The following MCF2L variants were observed in gnomAD, a reference collection of about 807,000 sequenced individuals.
MCF2L encodes guanine nucleotide exchange factor DBS.
MCF2L carries 97 observed loss-of-function variants against 153.4 expected under a neutral mutation model. The observed-to-expected ratio is 0.63, with a 90% CI of 0.54 to 0.75. The LOEUF (loss-of-function observed/expected upper bound fraction) is 0.75, where lower values mean the gene tolerates loss of function less well. Ranked by LOEUF, MCF2L falls within the 30% of genes least tolerant of loss-of-function variation. The pLI is 0.00. For missense variants in MCF2L, 1,347 were observed against 1,495.2 expected, an observed-to-expected ratio of 0.90 and a Z score of 1.64; for synonymous variants, 659 against 632.2, an observed-to-expected ratio of 1.04 and a Z score of -0.64.
intron 4 of MCF2L, among the ~76,000 whole-genome samples, chr13:113,051,254 G>A (rs2087297890): frequency 6.6e-6 from 1 of 152,176 alleles, no homozygotes; most frequent in South Asian, 2.1e-4. Context: ...TCGGGGCGAC[G>A]AGGGAAGCTG....
chr13:112,979,911 A>AT (rs1236894402), intron 1 of MCF2L, among the ~76,000 whole-genome samples: 1 of 152,134 alleles, frequency 6.6e-6, no homozygotes, highest in African/African-American at 2.4e-5. Context: ...AAAGGTAGAG[A>AT]TAACTGCTGA....
At chr13:112,948,707 A>G (rs1194372145) in intron 2 of MCF2L, among the ~76,000 whole-genome samples, 1 of 152,244 alleles carries the variant, frequency 6.6e-6, no homozygotes, top group Non-Finnish European at 1.5e-5. Flanking sequence ...TCTCTAGAAA[A>G]TGAAGAGCAA....
intron 2 of MCF2L, among the ~76,000 whole-genome samples, chr13:112,935,973 G>A (rs574130094): frequency 2.0e-5 from 3 of 152,220 alleles, no homozygotes; most frequent in East Asian, 1.9e-4. Flanking sequence ...TCCTTCCCTC[G>A]CAGCCTCAGA....
intron 1 of MCF2L, among the ~76,000 whole-genome samples, chr13:112,977,004 G>A (rs1222462060): frequency 6.6e-6 from 1 of 152,136 alleles, no homozygotes. Context: ...ACTGAGAGAG[G>A]AAACGAGACA....
intron 3 of MCF2L, among the ~76,000 whole-genome samples, chr13:113,037,943 T>G (rs1341416783): frequency 6.6e-6 from 1 of 152,208 alleles, no homozygotes. Flanking sequence ...TAAGTAACAG[T>G]CAGACTCTTA....
rs911601266 is a variant in MCF2L at position 113,064,717 on chromosome 13, C to A, written c.607-219C>A. On this transcript the variant is annotated intron_variant, in intron 6 of 29. Coordinates refer to ENST00000535094, the MANE Select transcript of MCF2L (RefSeq NM_001112732.3). The surrounding 1 kb of genome is among the most constrained non-coding windows in gnomAD (Gnocchi z 6.0). ...CGGGGAGAGGCAGCGCAGGCACAGG[C>A]GACTCTAGGTGACGGGCACACGTGT... The A allele has an allele frequency of 9.7e-5, 58 of 600,490 alleles. No homozygotes were observed. Among genetic ancestry groups the A allele is most frequent in the Non-Finnish European group, 1.2e-5 (4 of 341,782 alleles). The allele number at this position is 600,490 out of a possible 1,614,324, so 37.2% of individuals were successfully genotyped here.
At chr13:113,062,016 G>A (rs998535731) in intron 5 of MCF2L, among the ~76,000 whole-genome samples, 2 of 149,520 alleles carry the variant, frequency 1.3e-5, no homozygotes, top group Non-Finnish European at 3.0e-5. Flanking sequence ...GGCAGTAACT[G>A]CAGGTGCAGG....
chr13:112,938,267 G>A (rs1167665188), intron 2 of MCF2L, among the ~76,000 whole-genome samples: 1 of 150,344 alleles, frequency 6.7e-6, no homozygotes, highest in Non-Finnish European at 1.5e-5. Flanking sequence ...CTGATGGGTT[G>A]GTTCAGGTGA....
At chr13:113,034,607 A>C (rs1273819983) in intron 3 of MCF2L, among the ~76,000 whole-genome samples, 4 of 131,728 alleles carry the variant, frequency 3.0e-5, no homozygotes, top group African/African-American at 6.0e-5. Context: ...CCTCGCCCTC[A>C]CCCTGGTCTC....
chr13:112,972,349 G>GGA (rs1343711720), intron 1 of MCF2L, among the ~76,000 whole-genome samples: 38 of 135,124 alleles, frequency 2.8e-4, no homozygotes, highest in Non-Finnish European at 5.5e-4. Context: ...ATGGATGGAT[G>GGA]TGTAAGTGGG....
chr13:112,965,483 C>T (rs997624983), upstream of MCF2L: 1 of 152,284 alleles, frequency 6.6e-6, no homozygotes, highest in Non-Finnish European at 1.5e-5. Context: ...GCATCCCTGA[C>T]ATGCTGGGTG....
intron 1 of MCF2L, among the ~76,000 whole-genome samples, chr13:112,973,669 C>T (rs1365653532): frequency 6.6e-6 from 1 of 152,224 alleles, no homozygotes; most frequent in Admixed American, 6.5e-5. Flanking sequence ...CCTGTGGAAC[C>T]AGGGGCAGAC....
chr13:113,095,392 G>C (rs769354418), intron 27 of MCF2L: 3 of 1,124,754 alleles, frequency 2.7e-6, no homozygotes, highest in East Asian at 7.8e-5. Context: ...AGGCCTGGGC[G>C]TGAGAACAGA....
At chr13:113,084,685 T>A in intron 18 of MCF2L, 2 of 586,266 alleles carry the variant, frequency 3.4e-6, no homozygotes, top group South Asian at 4.0e-5. Context: ...GGGAGCCCCA[T>A]TAATGGAGGG....
chr13:113,087,544 G>A (rs2034753234), intron 22 of MCF2L, 88 bp downstream of exon 22: 1 of 1,179,468 alleles, frequency 8.5e-7, no homozygotes. Context: ...TGGCCACGCT[G>A]ACACCCAGCT....
In MCF2L at chr13:113,074,305, G is replaced by C; in HGVS notation, c.997-139G>C. On this transcript the variant is annotated intron_variant, in intron 9 of 29. Transcript: ENST00000535094. This position sits in a 1 kb window ranked among gnomAD's most constrained non-coding sequence, Gnocchi z 4.2. ...CTCGGGGCCGACTTTGCACCTGTCT[G>C]ACTGTGGTCCCTGCTTGATTGATGA... The C allele has an allele frequency of 9.1e-7, 1 of 1,095,188 alleles. No individual in the cohort carries two copies. The highest frequency in any genetic ancestry group is 1.3e-6 in the Non-Finnish European group (1 of 747,688). 67.8% of individuals were successfully genotyped at this position (1,095,188 alleles called of 1,614,324 possible).
intron 1 of MCF2L, chr13:113,009,387 C>T (rs578092603): frequency 6.6e-6 from 1 of 152,352 alleles, no homozygotes; most frequent in South Asian, 2.1e-4. Flanking sequence ...ATACCTAACC[C>T]ACTAGCAAAT....
intron 1 of MCF2L, among the ~76,000 whole-genome samples, chr13:112,900,731 G>A (rs1019118806): frequency 6.6e-6 from 1 of 152,098 alleles, no homozygotes; most frequent in Non-Finnish European, 1.5e-5. Context: ...GTGGGTTGGC[G>A]ATGGGTATCA....
At chr13:112,931,295 G>C (rs1454286363) in intron 2 of MCF2L, among the ~76,000 whole-genome samples, 1 of 152,192 alleles carries the variant, frequency 6.6e-6, no homozygotes, top group Non-Finnish European at 1.5e-5. Flanking sequence ...GAGACTAGAG[G>C]CAAAAGAAGC....
Sources: allele counts gnomAD v4.1 joint callset (sites outside exome capture counted in the v4.1 genomes callset), GRCh38; gene constraint gnomAD v4.1.1; non-coding constraint Gnocchi (gnomAD v3.1); transcripts MANE v1.5; gene names NCBI Gene and HGNC (gene_info 2026-07-23, HGNC 2026-07-21).